The following RERE variants were observed in gnomAD, a reference collection of about 807,000 sequenced individuals.
RERE encodes the protein arginine-glutamic acid dipeptide repeats protein.
A neutral mutation model predicts 146.1 loss-of-function variants in RERE; 40 were observed. The ratio of observed to expected loss-of-function variants is 0.27; its 90% CI spans 0.21 to 0.36. RERE has a LOEUF of 0.36. Among genes scored for constraint, RERE ranks in the 10% least tolerant of loss-of-function variants. The pLI is 1.00. For synonymous variants in RERE, 1,003 were observed against 866.0 expected (o/e 1.16, Z -2.78); for missense variants, 1,933 against 2,138.7 (o/e 0.90, Z 1.90).
intron 2 of RERE, among the ~76,000 whole-genome samples, chr1:8,639,246 G>T (rs1414358474): frequency 6.6e-6 from 1 of 152,172 alleles, no homozygotes; most frequent in Admixed American, 6.5e-5. Context: ...GTACGTTCAT[G>T]TATCAGATGC....
At chr1:8,702,231 A>T (rs913156156) in intron 1 of RERE, among the ~76,000 whole-genome samples, 1 of 152,256 alleles carries the variant, frequency 6.6e-6, no homozygotes, top group Non-Finnish European at 1.5e-5. Flanking sequence ...GTTCATTCAC[A>T]GACCATTTTT....
At chr1:8,506,862 A>T (rs558149379) in intron 8 of RERE, among the ~76,000 whole-genome samples, 1 of 152,362 alleles carries the variant, frequency 6.6e-6, no homozygotes, top group East Asian at 1.9e-4. Flanking sequence ...TATAGCCAAT[A>T]AATTATAACC....
intron 12 of RERE, among the ~76,000 whole-genome samples, chr1:8,405,481 TTAAA>T (rs1179951338): frequency 1.3e-5 from 2 of 152,368 alleles, no homozygotes; most frequent in African/African-American, 4.8e-5. Context: ...CAGATAAGTT[TTAAA>T]TAGTCATAAA....
chr1:8,596,483 C>T (rs1807292), intron 4 of RERE, among the ~76,000 whole-genome samples: 3,157 of 152,226 alleles, frequency 0.021, 105 homozygotes, highest in African/African-American at 0.073. Context: ...CAAACCTAGT[C>T]TGTAGGAAAA....
At chr1:8,564,826 A>ATATGTATGTG (rs1384858524) in intron 4 of RERE, among the ~76,000 whole-genome samples, 2 of 117,838 alleles carry the variant, frequency 1.7e-5, no homozygotes, top group African/African-American at 7.0e-5. Context: ...GTGTGTGTAT[A>ATATGTATGTG]TGTGTATGTG....
chr1:8,459,939 C>A (rs992345362), intron 11 of RERE, among the ~76,000 whole-genome samples: 1 of 152,126 alleles, frequency 6.6e-6, no homozygotes, highest in African/African-American at 2.4e-5. Context: ...ATAACTAACC[C>A]TTCCCCTATA....
intron 11 of RERE, among the ~76,000 whole-genome samples, chr1:8,428,308 T>A (rs1644045601): frequency 1.3e-5 from 2 of 152,214 alleles, no homozygotes; most frequent in Non-Finnish European, 2.9e-5. Flanking sequence ...CTCTGGTGTG[T>A]TCATGCCCAA....
intron 1 of RERE, among the ~76,000 whole-genome samples, chr1:8,739,718 G>C (rs1640269629): frequency 6.6e-6 from 1 of 151,970 alleles, no homozygotes; most frequent in African/African-American, 2.4e-5. Flanking sequence ...CCAAAACCTA[G>C]AGGCATCCTT....
At chr1:8,601,113 G>C (rs1228047969) in intron 4 of RERE, among the ~76,000 whole-genome samples, 2 of 144,670 alleles carry the variant, frequency 1.4e-5, no homozygotes, top group East Asian at 2.0e-4. Flanking sequence ...TCCACCTTCT[G>C]GGTTCAAGCA....
chr1:8,507,381 T>C (rs1400974025), intron 8 of RERE, among the ~76,000 whole-genome samples: 1 of 152,248 alleles, frequency 6.6e-6, no homozygotes, highest in Non-Finnish European at 1.5e-5. Context: ...AAAAGTGTCC[T>C]AACCATCTTG....
chr1:8,358,836 C>T lies in RERE; in HGVS notation c.3699G>A (p.Glu1233=), dbSNP rs761098792. 147 of 1,607,906 alleles carry T rather than the reference C, an allele frequency of 9.1e-5. 1 individual carries two copies. The highest frequency in any genetic ancestry group is 1.1e-4 in the Non-Finnish European group (128 of 1,176,716). The part of the protein sequence containing the change: ...SGPGHMRPSF[E]PPPTTIAAVP... ...CAGCAGCAATGGTGGTTGGTGGTGG[C>T]TCGAAGGATGGCCGCATGTGGCCAG... The change falls in exon 20 of 23, where the codon GAG becomes GAA. Residue 1233 remains glutamate, a synonymous_variant. Coordinates refer to ENST00000400908, the MANE Select transcript of RERE (RefSeq NM_001042681.2).
intron 1 of RERE, among the ~76,000 whole-genome samples, chr1:8,686,171 C>G (rs906333497): frequency 6.6e-6 from 1 of 151,766 alleles, no homozygotes; most frequent in East Asian, 1.9e-4. Flanking sequence ...TTAGTAGAGA[C>G]GGGGTTTTGC....
intron 2 of RERE, among the ~76,000 whole-genome samples, chr1:8,654,187 A>C (rs1647797220): frequency 6.6e-6 from 1 of 151,810 alleles, no homozygotes; most frequent in Non-Finnish European, 1.5e-5. Flanking sequence ...CTGCAGTCTC[A>C]TCACACTCCC....
At chr1:8,403,049 C>T (rs1643316541) in intron 12 of RERE, among the ~76,000 whole-genome samples, 1 of 152,102 alleles carries the variant, frequency 6.6e-6, no homozygotes, top group Non-Finnish European at 1.5e-5. Context: ...CAGGCGCGCA[C>T]CACCACACCC....
intron 1 of RERE, among the ~76,000 whole-genome samples, chr1:8,726,174 A>C (rs1343682795): frequency 1.9e-5 from 1 of 52,320 alleles, no homozygotes; most frequent in African/African-American, 8.7e-5. Flanking sequence ...TTTTTTTTTG[A>C]GACGGAGTCT....
At chr1:8,431,530 TA>T (rs1255177107) in intron 11 of RERE, among the ~76,000 whole-genome samples, 1 of 152,130 alleles carries the variant, frequency 6.6e-6, no homozygotes, top group African/African-American at 2.4e-5. Context: ...AAGTGCACAA[TA>T]AATGTAATGC....
chr1:8,772,132 A>C (rs1224323428), intron 1 of RERE, among the ~76,000 whole-genome samples: 1 of 152,074 alleles, frequency 6.6e-6, no homozygotes, highest in Non-Finnish European at 1.5e-5. Context: ...AAGAAAAGAC[A>C]CCAAAATACA....
intron 10 of RERE, among the ~76,000 whole-genome samples, chr1:8,475,404 G>T (rs938875990): frequency 6.8e-6 from 1 of 147,818 alleles, no homozygotes; most frequent in South Asian, 2.1e-4. Context: ...TTGGCTGGGC[G>T]TGGTGGCTCA....
chr1:8,639,383 T>C (rs772369639), intron 2 of RERE, among the ~76,000 whole-genome samples: 1 of 152,224 alleles, frequency 6.6e-6, no homozygotes, highest in Non-Finnish European at 1.5e-5. Flanking sequence ...TTTAAAAAGC[T>C]TGCGCTCCAT....
Sources: gnomAD v4.1 joint callset for allele counts (sites outside exome capture counted in the v4.1 genomes callset) on GRCh38, gnomAD v4.1.1 for gene constraint, MANE v1.5 for transcripts, NCBI Gene and HGNC (gene_info 2026-07-23, HGNC 2026-07-21) for gene names.